The following RBM6 variants were observed in gnomAD, a reference collection of about 807,000 sequenced individuals.
RBM6 encodes RNA binding motif protein 6.
Under a neutral mutation model 140.4 loss-of-function variants are expected in RBM6, and 23 were observed. The ratio of observed to expected loss-of-function variants is 0.16; its 90% CI spans 0.12 to 0.23. RBM6 has a LOEUF of 0.23. RBM6 is among the 10% of genes least tolerant of loss of function. The pLI, the probability that RBM6 is intolerant of heterozygous loss-of-function variation, is 1.00. For synonymous variants in RBM6, 439 were observed against 475.6 expected (o/e 0.92, Z 1.00); for missense variants, 1,139 against 1,386.7 (o/e 0.82, Z 2.84).
intron 2 of RBM6, among the ~76,000 whole-genome samples, chr3:49,965,300 T>C (rs1183287082): frequency 1.3e-5 from 2 of 152,220 alleles, no homozygotes; most frequent in Non-Finnish European, 2.9e-5. Context: ...CAAGAAAGAC[T>C]TGAATGATTT....
chr3:50,075,500 G>T (rs191717838), intron 20 of RBM6, among the ~76,000 whole-genome samples, 170 bp downstream of exon 20: 2 of 152,198 alleles, frequency 1.3e-5, no homozygotes, highest in Non-Finnish European at 2.9e-5. Flanking sequence ...AGCTTGGCAG[G>T]CTGGGCCCTT....
At chr3:50,043,381 G>A (rs2089035667) in intron 6 of RBM6, among the ~76,000 whole-genome samples, 1 of 151,340 alleles carries the variant, frequency 6.6e-6, no homozygotes. Context: ...TACTTGGGAG[G>A]CAGAAACAGG....
chr3:50,036,741 T>C (rs2088558641), intron 6 of RBM6, among the ~76,000 whole-genome samples: 3 of 152,174 alleles, frequency 2.0e-5, no homozygotes. Flanking sequence ...GACCTAACCT[T>C]GTATCCCATG....
At chr3:50,074,735 A>G (rs1375506173) in intron 19 of RBM6, among the ~76,000 whole-genome samples, 3 of 152,238 alleles carry the variant, frequency 2.0e-5, no homozygotes, top group Non-Finnish European at 4.4e-5. Context: ...TGTACCCAGC[A>G]ACAAAACATA....
intron 6 of RBM6, among the ~76,000 whole-genome samples, chr3:50,042,864 G>T (rs1035769151): frequency 1.3e-5 from 2 of 152,058 alleles, no homozygotes; most frequent in Non-Finnish European, 2.9e-5. Context: ...CACAAAATGA[G>T]ATCATGAAGT....
intron 20 of RBM6, 72 bp downstream of exon 20, chr3:50,075,402 A>G: frequency 6.4e-7 from 1 of 1,564,358 alleles, no homozygotes; most frequent in Non-Finnish European, 8.7e-7. Context: ...TCTGGCCTAG[A>G]GTGATGTCTT....
intron 6 of RBM6, among the ~76,000 whole-genome samples, chr3:50,027,216 G>A (rs1019279495): frequency 5.3e-5 from 8 of 152,140 alleles, no homozygotes; most frequent in Admixed American, 2.6e-4. Context: ...GTAGGTTTAA[G>A]TGGTGCTCAT....
chr3:49,941,465 A>G (rs2083275940), intron 1 of RBM6, among the ~76,000 whole-genome samples: 1 of 151,538 alleles, frequency 6.6e-6, no homozygotes, highest in South Asian at 2.1e-4. Context: ...ACATGGAGAA[A>G]CCGCGTCTCT....
At chr3:50,060,935 T>C (rs768565886) in intron 11 of RBM6, 21 bp from the exon 12 acceptor site, 2 of 1,543,002 alleles carry the variant, frequency 1.3e-6, no homozygotes, top group Non-Finnish European at 1.7e-6. Context: ...GCCTTAAGAA[T>C]TGTTGTGTTA....
At chr3:50,056,954 T>G (rs1379129167) in intron 8 of RBM6, among the ~76,000 whole-genome samples, 4 of 152,170 alleles carry the variant, frequency 2.6e-5, no homozygotes, top group Admixed American at 2.6e-4. Context: ...AGGATATGAG[T>G]AGCTGTTTGA....
intron 6 of RBM6, among the ~76,000 whole-genome samples, chr3:50,002,094 A>T (rs970332586): frequency 1.3e-4 from 20 of 152,030 alleles, no homozygotes; most frequent in African/African-American, 4.6e-4. Context: ...ATTTCCAATT[A>T]TAAATTTTGT....
At chr3:49,951,711 A>T in intron 1 of RBM6, among the ~76,000 whole-genome samples, 1 of 129,464 alleles carries the variant, frequency 7.7e-6, no homozygotes, top group African/African-American at 3.0e-5. Context: ...TATTATTATT[A>T]TTATTATTTT....
intron 6 of RBM6, among the ~76,000 whole-genome samples, chr3:50,035,170 GA>G (rs973965551): frequency 2.6e-4 from 40 of 152,054 alleles, no homozygotes; most frequent in Admixed American, 1.1e-3. Flanking sequence ...CAATTTGACT[GA>G]GGGTCATAAG....
rs375573177 is a variant in RBM6, at chr3:49,972,087, A to C, written c.1352A>C (p.Glu451Ala). 66 of 1,613,274 alleles carry C rather than the reference A, an allele frequency of 4.1e-5. No individual in the cohort carries two copies. Among genetic ancestry groups the C allele is most frequent in the African/African-American group, 5.3e-5 (4 of 74,900 alleles). The change falls in exon 4 of 21, where the codon GAG becomes GCG. Residue 451 changes from glutamate (E) to alanine (A), a missense_variant. Glu to Ala is a moderately radical substitution (Grantham distance 107). Coordinates refer to ENST00000266022, the MANE Select transcript of RBM6 (RefSeq NM_005777.3). ...CAAGATTATAGGACCGGCCCAAGTGAGGAGAAACCCAGCAGGCTTATTCGA... is the reference window on the plus strand; with the variant it reads ...CAAGATTATAGGACCGGCCCAAGTGCGGAGAAACCCAGCAGGCTTATTCGA... ...QDQDYRTGPS[E>A]EKPSRLIRLS...
chr3:50,000,346 CTTTTTTTTTTTTT>C (rs780436283), intron 6 of RBM6, among the ~76,000 whole-genome samples: 2 of 110,158 alleles, frequency 1.8e-5, no homozygotes, highest in Non-Finnish European at 1.9e-5. Context: ...TTTTTTTTTT[CTTTTTTTTTTTTT>C]TTAATGTACC....
intron 6 of RBM6, among the ~76,000 whole-genome samples, chr3:50,007,861 A>AGAGCAG (rs900564331): frequency 7.2e-5 from 11 of 152,362 alleles, no homozygotes; most frequent in African/African-American, 2.6e-4. Context: ...CTAAAGAGAA[A>AGAGCAG]GAGCAGGAGA....
intron 6 of RBM6, among the ~76,000 whole-genome samples, chr3:50,005,437 A>G (rs747289697): frequency 6.6e-6 from 1 of 151,768 alleles, no homozygotes; most frequent in African/African-American, 2.4e-5. Flanking sequence ...GGTCAAAGCT[A>G]CAGTGAGCCG....
At position 49,967,710 on chromosome 3, in the gene RBM6, C is replaced by A; in HGVS notation, c.285C>A (p.Phe95Leu). ...YRGGEGPGHD[F>L]RGGDFSSSDF... is the part of the protein sequence containing the mutation. Reference sequence around the variant, plus strand: ...GAGGGGAGGGACCTGGACATGATTTCAGGGGGGGAGATTTTTCGTCTTCTG... The same window carrying A: ...GAGGGGAGGGACCTGGACATGATTTAAGGGGGGGAGATTTTTCGTCTTCTG... Residue 95 changes from phenylalanine to leucine, a missense_variant, in exon 3 of 21, where the codon TTC becomes TTA. Phe to Leu is a conservative substitution (Grantham distance 22). Coordinates refer to ENST00000266022, the MANE Select transcript of RBM6 (RefSeq NM_005777.3). The surrounding 1 kb of genome is among the most constrained non-coding windows in gnomAD (Gnocchi z 4.0). 1.2e-6 allele frequency: 2 copies of A among 1,614,026 alleles called. No homozygotes were observed. The highest frequency in any genetic ancestry group is 1.7e-6 in the Non-Finnish European group (2 of 1,180,014).
At chr3:49,958,534 C>CCACTG (rs1371573745) in intron 1 of RBM6, among the ~76,000 whole-genome samples, 1 of 151,802 alleles carries the variant, frequency 6.6e-6, no homozygotes, top group Admixed American at 6.6e-5. Context: ...CAAGATCACG[C>CCACTG]CACTGCACTC....
Sources: allele counts gnomAD v4.1 joint callset (sites outside exome capture counted in the v4.1 genomes callset), GRCh38; gene constraint gnomAD v4.1.1; non-coding constraint Gnocchi (gnomAD v3.1); transcripts MANE v1.5; gene names NCBI Gene and HGNC (gene_info 2026-07-23, HGNC 2026-07-21).